The following DDX19B variants were observed in gnomAD, a reference collection of about 807,000 sequenced individuals.
The protein encoded by DDX19B is ATP-dependent RNA helicase DDX19B.
In DDX19B, 27 loss-of-function variants were observed where a neutral mutation model predicts 58.1. That is an observed-to-expected ratio of 0.46 (90% CI 0.34 to 0.64). The LOEUF (loss-of-function observed/expected upper bound fraction) is 0.64, where lower values mean the gene tolerates loss of function less well. Ranked by LOEUF, DDX19B falls within the 30% of genes least tolerant of loss-of-function variation. The probability of loss-of-function intolerance (pLI) is 0.01; values close to 1 mark genes in which losing one functional copy is unlikely to be tolerated. For synonymous variants in DDX19B, 187 were observed against 214.4 expected, an observed-to-expected ratio of 0.87 and a Z score of 1.12; for missense variants, 399 against 596.5, an observed-to-expected ratio of 0.67 and a Z score of 3.45.
At chr16:70,331,609 C>T (rs1963480367) in intron 9 of DDX19B, 113 bp from the exon 10 acceptor site, 1 of 1,388,316 alleles carries the variant, frequency 7.2e-7, no homozygotes, top group African/African-American at 1.5e-5. Context: ...AACCTCCTAA[C>T]TGGATTTAGC....
At chr16:70,291,667 C>T (rs539833988), upstream of DDX19B, among the ~76,000 whole-genome samples, 1 of 152,000 alleles carries the variant, frequency 6.6e-6, no homozygotes, top group South Asian at 2.1e-4. Flanking sequence ...AAAAAGTAGC[C>T]GGGCGTGGTG....
intron 1 of DDX19B, among the ~76,000 whole-genome samples, chr16:70,309,474 G>A (rs867956807): frequency 3.4e-4 from 51 of 151,874 alleles, no homozygotes; most frequent in Middle Eastern, 3.4e-3. Context: ...CAGCCTGGGC[G>A]ACAGAGCGAG....
chr16:70,293,379 C>T (rs1368876216), upstream of DDX19B, among the ~76,000 whole-genome samples: 2 of 150,904 alleles, frequency 1.3e-5, no homozygotes, highest in Non-Finnish European at 2.9e-5. Flanking sequence ...GATCGTGCCA[C>T]TGCACTCCAG....
intron 2 of DDX19B, among the ~76,000 whole-genome samples, chr16:70,313,153 G>T (rs1289730185): frequency 1.3e-5 from 2 of 150,024 alleles, no homozygotes; most frequent in African/African-American, 4.8e-5. Context: ...CGGGTAGCTG[G>T]GACTACAGGC....
rs950307364 is a variant in DDX19B at position 70,334,023 on chromosome 16, G to C, written c.*441G>C. 1.3e-5 allele frequency: 3 copies of C among 228,022 alleles called. No homozygotes were observed. The highest frequency in any genetic ancestry group is 6.9e-5 in the African/African-American group (3 of 43,178). 14.1% of individuals were successfully genotyped at this position (228,022 alleles called of 1,614,324 possible). On this transcript the variant is annotated 3_prime_UTR_variant, in exon 12 of 12. Transcript: ENST00000288071. ...AGAGAGGGAGGCTTCCAGTAAGATA[G>C]GTGTGTAAGCCCAGCCATCATGTTT...
chr16:70,293,121 CAACA>C (rs1961102312), upstream of DDX19B, among the ~76,000 whole-genome samples: 1 of 150,542 alleles, frequency 6.6e-6, no homozygotes, highest in Non-Finnish European at 1.5e-5. Flanking sequence ...ATAATAAAAA[CAACA>C]AACAGAAACA....
Position 70,324,594 on chromosome 16 carries a change from C to T in DDX19B, c.399C>T (p.Asn133=), listed in dbSNP as rs745820209. 6 of 1,613,410 alleles carry T rather than the reference C, an allele frequency of 3.7e-6. No homozygotes were observed. The highest frequency in any genetic ancestry group is 2.7e-5 in the African/African-American group (2 of 74,900). Residue 133 remains asparagine, a synonymous_variant, in exon 6 of 12, where the codon AAC becomes AAT. Transcript: ENST00000288071. ...TTTGTTTCTTGCGCAGCCCACAGAA[C>T]TTAATTGCCCAATCTCAGTCTGGTA... The part of the protein sequence containing the change: ...LPLMLAEPPQ[N]LIAQSQSGTG...
intron 5 of DDX19B, among the ~76,000 whole-genome samples, chr16:70,323,582 C>G (rs1413551112): frequency 6.6e-6 from 1 of 151,850 alleles, no homozygotes; most frequent in Non-Finnish European, 1.5e-5. Context: ...CACCACCATG[C>G]CTGGCTAATT....
intron 5 of DDX19B, 111 bp downstream of exon 5, chr16:70,317,699 G>A: frequency 1.2e-6 from 1 of 862,836 alleles, no homozygotes; most frequent in Non-Finnish European, 1.7e-6. Flanking sequence ...AGCAACCTGA[G>A]AGGCAAGGCA....
chr16:70,325,298 C>T (rs1370969133), intron 6 of DDX19B, among the ~76,000 whole-genome samples: 3 of 152,180 alleles, frequency 2.0e-5, no homozygotes, highest in African/African-American at 7.2e-5. Flanking sequence ...GAAAAGAAAG[C>T]TAATGCCAAT....
upstream of DDX19B, chr16:70,299,170 G>T: frequency 7.3e-7 from 1 of 1,375,940 alleles, no homozygotes. Context: ...TCACTGTGGC[G>T]CGCCGCTTCC....
At chr16:70,324,557 G>A (rs1167309362) in intron 5 of DDX19B, 28 bp from the exon 6 acceptor site, 1 of 1,591,612 alleles carries the variant, frequency 6.3e-7, no homozygotes, top group South Asian at 1.1e-5. Context: ...TGAGATTTAA[G>A]CTCCTAACTA....
At chr16:70,315,860 G>A (rs1962372597) in intron 3 of DDX19B, 109 bp from the exon 4 acceptor site, 1 of 1,373,286 alleles carries the variant, frequency 7.3e-7, no homozygotes, top group African/African-American at 1.4e-5. Context: ...CCTTGAATTT[G>A]AATGTTCAGT....
At chr16:70,319,722 C>G (rs1035093322) in intron 5 of DDX19B, 1 of 151,912 alleles carries the variant, frequency 6.6e-6, no homozygotes, top group African/African-American at 2.4e-5. Flanking sequence ...GAGACCCTGT[C>G]TCTACTATAA....
intron 1 of DDX19B, 30 bp downstream of exon 1, chr16:70,299,384 G>A: frequency 6.3e-7 from 1 of 1,588,446 alleles, no homozygotes; most frequent in Non-Finnish European, 8.6e-7. Context: ...AAAAGGGTCA[G>A]GGGACTAGTT....
rs961682101 is a variant in DDX19B at position 70,329,485 on chromosome 16, G to A, written c.785+16G>A. ...GCATCCAGAGGTAGGGATCTCGAGG[G>A]TGGGGGACTCCTCAGATTCCCCATC... On this transcript the variant is annotated intron_variant, in intron 8 of 11. Transcript: ENST00000288071. The A allele has an allele frequency of 1.9e-6, 3 of 1,613,364 alleles. No homozygotes were observed. Among genetic ancestry groups the A allele is most frequent in the Non-Finnish European group, 2.5e-6 (3 of 1,179,440 alleles).
At chr16:70,314,435 G>A (rs1425090289) in intron 2 of DDX19B, among the ~76,000 whole-genome samples, 1 of 152,114 alleles carries the variant, frequency 6.6e-6, no homozygotes, top group African/African-American at 2.4e-5. Flanking sequence ...GGCCAAGGCA[G>A]GCGGATCACG....
At chr16:70,328,333 C>T (rs532048664) in intron 7 of DDX19B, among the ~76,000 whole-genome samples, 214 of 148,396 alleles carry the variant, frequency 1.4e-3, no homozygotes, top group Non-Finnish European at 2.5e-3. Flanking sequence ...AATTTGTATT[C>T]GAATTAGAAG....
chr16:70,292,322 T>G (rs950335993), upstream of DDX19B, among the ~76,000 whole-genome samples: 2 of 152,130 alleles, frequency 1.3e-5, no homozygotes, highest in African/African-American at 4.8e-5. Flanking sequence ...TTTCTTCTAT[T>G]TCTAGTAGAG....
Sources: allele counts gnomAD v4.1 joint callset (sites outside exome capture counted in the v4.1 genomes callset), GRCh38; gene constraint gnomAD v4.1.1; transcripts MANE v1.5; gene names NCBI Gene and HGNC (gene_info 2026-07-23, HGNC 2026-07-21).